Variants in SHISA9 observed in about 807,000 individuals in gnomAD.
SHISA9 encodes protein shisa-9.
SHISA9 carries 13 observed loss-of-function variants against 38.0 expected under a neutral mutation model. That is an observed-to-expected ratio of 0.34 (90% CI 0.22 to 0.54). The LOEUF is 0.54. Among genes scored for constraint, SHISA9 ranks in the 20% least tolerant of loss-of-function variants. The pLI, the probability that SHISA9 is intolerant of heterozygous loss-of-function variation, is 0.91. For synonymous variants in SHISA9, 275 were observed against 242.0 expected, an observed-to-expected ratio of 1.14 and a Z score of -1.27; for missense variants, 538 against 575.8, an observed-to-expected ratio of 0.93 and a Z score of 0.67.
the SHISA9 span, among the ~76,000 whole-genome samples, chr16:13,319,828 G>C: frequency 2.6e-5 from 4 of 151,426 alleles, no homozygotes. Flanking sequence ...CAAGGCCAAG[G>C]AACAGAACGC....
At chr16:13,419,726 A>C in the SHISA9 span, among the ~76,000 whole-genome samples, 4 of 152,270 alleles carry the variant, frequency 2.6e-5, no homozygotes, top group South Asian at 8.3e-4. Flanking sequence ...CAACTACTCA[A>C]CTCTGTTGTT....
At chr16:13,079,509 G>A (rs572778252) in intron 2 of SHISA9, among the ~76,000 whole-genome samples, 4 of 152,270 alleles carry the variant, frequency 2.6e-5, no homozygotes, top group African/African-American at 7.2e-5. Flanking sequence ...AGTGATTTGC[G>A]CTGTGCAATT....
chr16:13,015,987 T>TTCCCTTCCCTTTCCTTC lies in SHISA9; in HGVS notation c.691+99174_691+99175insCCTTCCCTTTCCTTCTC, dbSNP rs1555454870. Among the ~76,000 whole-genome samples the TTCCCTTCCCTTTCCTTC allele has an allele frequency of 1.2e-3, 12 of 9,908 alleles. 1 individual carries two copies. The highest frequency in any genetic ancestry group is 0.011 in the East Asian group (3 of 280). 6.5% of individuals were successfully genotyped at this position (9,908 alleles called of 152,430 possible). A position where few individuals can be genotyped will look rare whatever the true frequency, so the allele number is the denominator to read the frequency against. On this transcript the variant is annotated intron_variant, in intron 2 of 4. Coordinates refer to ENST00000558583, the MANE Select transcript of SHISA9 (RefSeq NM_001145204.3). ...TTCCCTTCCCTTCCCTTCCCTTCCCTTCTTTTCTTTTCTTCCTTGAGACAG... is the reference window on the plus strand; with the variant it reads ...TTCCCTTCCCTTCCCTTCCCTTCCCTTCCCTTCCCTTTCCTTCTCTTTTCTTTTCTTCCTTGAGACAG...
the SHISA9 span, among the ~76,000 whole-genome samples, chr16:13,490,226 A>G: frequency 6.6e-6 from 1 of 152,164 alleles, no homozygotes; most frequent in African/African-American, 2.4e-5. Context: ...GAAGAGCACA[A>G]CACAATATGC....
the SHISA9 span, among the ~76,000 whole-genome samples, chr16:13,552,224 A>G: frequency 6.6e-6 from 1 of 152,162 alleles, no homozygotes; most frequent in Non-Finnish European, 1.5e-5. Flanking sequence ...CAGGCTCTGC[A>G]GGGAGCTGGA....
At chr16:13,193,971 C>T (rs771938420) in intron 2 of SHISA9, among the ~76,000 whole-genome samples, 1 of 152,186 alleles carries the variant, frequency 6.6e-6, no homozygotes, top group East Asian at 1.9e-4. Flanking sequence ...ACAAGAGACT[C>T]CTGCCTCAAG....
intron 4 of SHISA9, among the ~76,000 whole-genome samples, chr16:13,221,300 T>A (rs963470753): frequency 6.6e-6 from 1 of 152,166 alleles, no homozygotes. Context: ...AAATCTTCCA[T>A]CTACTCCCTG....
chr16:13,321,812 A>AC, the SHISA9 span, among the ~76,000 whole-genome samples: 7 of 152,310 alleles, frequency 4.6e-5, no homozygotes, highest in East Asian at 1.3e-3. Flanking sequence ...CTCAATAATA[A>AC]TCTCTGCCAC....
intron 2 of SHISA9, among the ~76,000 whole-genome samples, chr16:13,050,249 A>C (rs950542700): frequency 6.6e-6 from 1 of 152,250 alleles, no homozygotes; most frequent in African/African-American, 2.4e-5. Context: ...AATAACTAAT[A>C]TAAATTAATC....
At position 13,062,888 on chromosome 16, in the gene SHISA9, G is replaced by A. The variant is rs1277593230; in HGVS notation, c.692-140506G>A. 6.6e-5 allele frequency among the ~76,000 whole-genome samples: 10 copies of A among 152,312 alleles called. No homozygotes were observed. The East Asian group carries it at 1.5e-3, about 23-fold the overall frequency. ...GAAAGTGGCTCACCAGCCTCACCCT[G>A]GTACCCTGATCCTGGCTCCCGAGGG... On this transcript the variant is annotated intron_variant, in intron 2 of 4. Coordinates refer to ENST00000558583, the MANE Select transcript of SHISA9 (RefSeq NM_001145204.3).
chr16:12,904,032 G>T (rs1303136710), intron 1 of SHISA9, among the ~76,000 whole-genome samples: 1 of 152,092 alleles, frequency 6.6e-6, no homozygotes, highest in African/African-American at 2.4e-5. Flanking sequence ...GGTGGATGGT[G>T]GGGTCTTGCT....
In SHISA9 at chr16:12,922,516, C is replaced by T. The variant is rs150983566; in HGVS notation, c.691+5701C>T. ...CAAGTCATCCATTATTTCCCATTTCCCCAACCTTTTCTTTTCTTTTTGAGA... is the reference window on the plus strand; with the variant it reads ...CAAGTCATCCATTATTTCCCATTTCTCCAACCTTTTCTTTTCTTTTTGAGA... On this transcript the variant is annotated intron_variant, in intron 2 of 4. Transcript: ENST00000558583. Among the ~76,000 whole-genome samples, 938 of 152,248 alleles carry T rather than the reference C, an allele frequency of 6.2e-3. 17 individuals are homozygous for T. Among genetic ancestry groups the T allele is most frequent in the African/African-American group, 0.021 (888 of 41,564 alleles).
chr16:13,013,696 G>C (rs1276715794), intron 2 of SHISA9, among the ~76,000 whole-genome samples: 3 of 152,170 alleles, frequency 2.0e-5, no homozygotes, highest in Non-Finnish European at 4.4e-5. Context: ...GCTAGATCTA[G>C]AGGTTAATGT....
chr16:13,487,813 G>A, the SHISA9 span, among the ~76,000 whole-genome samples: 1 of 152,048 alleles, frequency 6.6e-6, no homozygotes, highest in East Asian at 1.9e-4. Context: ...ACTGTGGTTG[G>A]TTGAATCTGC....
chr16:13,066,935 C>T (rs953525575), intron 2 of SHISA9, among the ~76,000 whole-genome samples: 1 of 152,174 alleles, frequency 6.6e-6, no homozygotes, highest in African/African-American at 2.4e-5. Flanking sequence ...GCTTTTAGGT[C>T]ACAGTCTGAA....
chr16:13,264,996 C>T, the SHISA9 span, among the ~76,000 whole-genome samples: 1 of 145,078 alleles, frequency 6.9e-6, no homozygotes, highest in Admixed American at 6.8e-5. Flanking sequence ...CCTCCTCTTC[C>T]CTTCCCTCCT....
intron 2 of SHISA9, among the ~76,000 whole-genome samples, chr16:12,961,578 C>T (rs139939030): frequency 1.6e-4 from 24 of 152,192 alleles, no homozygotes; most frequent in Non-Finnish European, 2.6e-4. Context: ...CAGAGCACCC[C>T]GGCCAAAACT....
At chr16:13,468,792 C>T in the SHISA9 span, among the ~76,000 whole-genome samples, 1 of 151,514 alleles carries the variant, frequency 6.6e-6, no homozygotes, top group African/African-American at 2.4e-5. Flanking sequence ...GCCTGAGAAA[C>T]ATAGTGAGAC....
chr16:13,254,358 A>C, the SHISA9 span, among the ~76,000 whole-genome samples: 1 of 152,188 alleles, frequency 6.6e-6, no homozygotes, highest in Non-Finnish European at 1.5e-5. Flanking sequence ...GAGAGAGAAG[A>C]TAAGACAACA....
Sources: gnomAD v4.1 joint callset for allele counts (sites outside exome capture counted in the v4.1 genomes callset) on GRCh38, gnomAD v4.1.1 for gene constraint, MANE v1.5 for transcripts, NCBI Gene and HGNC (gene_info 2026-07-23, HGNC 2026-07-21) for gene names.